The following NEK10 variants were observed in gnomAD, a reference collection of about 807,000 sequenced individuals.
NEK10 encodes NIMA related kinase 10.
Under a neutral mutation model 159.8 loss-of-function variants are expected in NEK10, and 122 were observed. That is an observed-to-expected ratio of 0.76 (90% CI 0.66 to 0.89). The LOEUF is 0.89. Among genes scored for constraint, NEK10 ranks in the 40% least tolerant of loss-of-function variants. The probability of loss-of-function intolerance (pLI) is 0.00; values close to 1 mark genes in which losing one functional copy is unlikely to be tolerated. For missense variants in NEK10, 1,342 were observed against 1,323.1 expected (o/e 1.01, Z -0.22); for synonymous variants, 466 against 457.1 (o/e 1.02, Z -0.25).
chr3:27,112,801 A>G (rs887887897), intron 35 of NEK10, among the ~76,000 whole-genome samples: 1 of 152,232 alleles, frequency 6.6e-6, no homozygotes, highest in African/African-American at 2.4e-5. Flanking sequence ...CATCTTTGAT[A>G]ATATTGCCCA....
rs185146138 is a variant in NEK10 at position 27,363,030 on chromosome 3, C to T, written c.-38+6195G>A. On this transcript the variant is annotated intron_variant, in intron 1 of 35. Coordinates refer to ENST00000691995, the MANE Select transcript of NEK10 (RefSeq NM_001394966.1). ...GGATAAAAAGAAAATTTACCAAGGTCTGAGAGGTGCTGCGTGCAATTGGCG... is the reference window on the plus strand; with the variant it reads ...GGATAAAAAGAAAATTTACCAAGGTTTGAGAGGTGCTGCGTGCAATTGGCG... Among the ~76,000 whole-genome samples, 18 of 152,302 alleles carry T rather than the reference C, an allele frequency of 1.2e-4. No individual in the cohort carries two copies. In the East Asian group the frequency reaches 3.3e-3, roughly 28 times the overall value.
intron 14 of NEK10, among the ~76,000 whole-genome samples, chr3:27,296,976 G>T (rs1343699341): frequency 6.6e-6 from 1 of 152,206 alleles, no homozygotes; most frequent in Non-Finnish European, 1.5e-5. Context: ...CCACATGTCA[G>T]TCCTTTTTAA....
intron 23 of NEK10, among the ~76,000 whole-genome samples, chr3:27,248,833 A>T (rs895109528): frequency 6.6e-6 from 1 of 152,222 alleles, no homozygotes; most frequent in African/African-American, 2.4e-5. Flanking sequence ...TTCTGTAGCC[A>T]TTGGATGAGA....
chr3:27,199,384 A>G (rs1274263560), intron 25 of NEK10, among the ~76,000 whole-genome samples: 3 of 152,216 alleles, frequency 2.0e-5, no homozygotes, highest in South Asian at 2.1e-4. Flanking sequence ...CATTACATAA[A>G]TGCAAATCAA....
rs146064209 is a variant in NEK10 at position 27,149,360 on chromosome 3, C to T, written c.2870-7778G>A. Among the ~76,000 whole-genome samples, 657 of 152,044 alleles carry T rather than the reference C, an allele frequency of 4.3e-3. 5 individuals carry two copies. The highest frequency in any genetic ancestry group is 0.03 in the South Asian group (144 of 4,822). Reference sequence around the variant, plus strand: ...ATTATATTGCACTTCAAAGATGTTGCTTTTTTTAAATTTTTTTACAAATTT... The same window carrying T: ...ATTATATTGCACTTCAAAGATGTTGTTTTTTTTAAATTTTTTTACAAATTT... On this transcript the variant is annotated intron_variant, in intron 30 of 35. Transcript: ENST00000691995.
chr3:27,168,806 T>C (rs1311207691), intron 29 of NEK10, among the ~76,000 whole-genome samples: 2 of 152,210 alleles, frequency 1.3e-5, no homozygotes, highest in African/African-American at 4.8e-5. Context: ...AAACATCAAC[T>C]TCAATGTATG....
At chr3:27,333,873 G>A (rs751353270) in intron 5 of NEK10, among the ~76,000 whole-genome samples, 2 of 152,200 alleles carry the variant, frequency 1.3e-5, no homozygotes, top group Admixed American at 6.5e-5. Flanking sequence ...CATACCTGGG[G>A]CTGAGGCACA....
At chr3:27,271,527 T>C (rs2041361090) in intron 22 of NEK10, among the ~76,000 whole-genome samples, 1 of 152,226 alleles carries the variant, frequency 6.6e-6, no homozygotes, top group Admixed American at 6.5e-5. Flanking sequence ...TAAAATGCCA[T>C]TTATTTTGAA....
intron 23 of NEK10, among the ~76,000 whole-genome samples, chr3:27,207,414 G>A (rs553692677): frequency 2.3e-4 from 35 of 152,122 alleles, no homozygotes; most frequent in Non-Finnish European, 3.8e-4. Flanking sequence ...ATAGCATCTT[G>A]GAAACAATGA....
At chr3:27,231,417 T>C (rs958653828) in intron 23 of NEK10, among the ~76,000 whole-genome samples, 2 of 151,812 alleles carry the variant, frequency 1.3e-5, no homozygotes, top group Non-Finnish European at 2.9e-5. Flanking sequence ...AAATTGATAA[T>C]CTAATGTCAC....
rs990882580 is a variant in NEK10 at position 27,109,277 on chromosome 3, G to A, written c.*1995C>T. On this transcript the variant is annotated 3_prime_UTR_variant, in exon 36 of 36. Coordinates refer to ENST00000691995, the MANE Select transcript of NEK10 (RefSeq NM_001394966.1). ...GCCTGTAATCCCAGTTACTCGGGAG[G>A]CTGAGGCAGGAGAATTGCTTGAACC... Among the ~76,000 whole-genome samples, 12 of 151,880 alleles carry A rather than the reference G, an allele frequency of 7.9e-5. No homozygotes were observed. The highest frequency in any genetic ancestry group is 2.9e-4 in the African/African-American group (12 of 41,358).
chr3:27,236,219 G>T (rs1230111012), intron 23 of NEK10, among the ~76,000 whole-genome samples: 1 of 152,046 alleles, frequency 6.6e-6, no homozygotes, highest in African/African-American at 2.4e-5. Context: ...TAATACCTGG[G>T]TGATGAAATA....
At chr3:27,290,429 CCAGA>C (rs1378559504) in intron 19 of NEK10, among the ~76,000 whole-genome samples, 184 bp downstream of exon 19, 1 of 152,164 alleles carries the variant, frequency 6.6e-6, no homozygotes, top group East Asian at 1.9e-4. Flanking sequence ...GATATAAACT[CCAGA>C]CAGTGTTTTA....
chr3:27,215,724 T>C, intron 23 of NEK10: 1 of 700,328 alleles, frequency 1.4e-6, no homozygotes, highest in Non-Finnish European at 2.6e-6. Context: ...GAGGTTTAAT[T>C]GGCTCACGGT....
intron 30 of NEK10, among the ~76,000 whole-genome samples, chr3:27,159,633 G>A (rs1559530850): frequency 1.3e-5 from 2 of 151,944 alleles, no homozygotes; most frequent in Admixed American, 6.6e-5. Context: ...GCAGGGAATT[G>A]CAATCTATTA....
chr3:27,137,549 G>A (rs1943348672), intron 31 of NEK10, among the ~76,000 whole-genome samples: 1 of 152,114 alleles, frequency 6.6e-6, no homozygotes, highest in Non-Finnish European at 1.5e-5. Context: ...AAATGGACAT[G>A]CATTAATATA....
chr3:27,124,232 TA>T (rs1274499502), intron 32 of NEK10, among the ~76,000 whole-genome samples: 2 of 151,896 alleles, frequency 1.3e-5, no homozygotes, highest in African/African-American at 4.8e-5. Context: ...AGTATGCTAA[TA>T]AAAAAATGCT....
chr3:27,178,114 G>T (rs544555048), intron 26 of NEK10, among the ~76,000 whole-genome samples: 1 of 152,270 alleles, frequency 6.6e-6, no homozygotes, highest in South Asian at 2.1e-4. Context: ...CACCATTATA[G>T]AAGATGCTTC....
chr3:27,290,569 T>C (rs1304641950), intron 19 of NEK10, 48 bp downstream of exon 19: 2 of 1,381,600 alleles, frequency 1.4e-6, no homozygotes, highest in East Asian at 2.3e-5. Flanking sequence ...TTTCTTGCAA[T>C]GACATGTATT....
Sources: allele counts gnomAD v4.1 joint callset (sites outside exome capture counted in the v4.1 genomes callset), GRCh38; gene constraint gnomAD v4.1.1; transcripts MANE v1.5; gene names NCBI Gene and HGNC (gene_info 2026-07-23, HGNC 2026-07-21).